The following TMEM74 variants were observed in gnomAD, a reference collection of about 807,000 sequenced individuals.
TMEM74 encodes transmembrane protein 74.
Under a neutral mutation model 18.1 loss-of-function variants are expected in TMEM74, and 13 were observed. That is an observed-to-expected ratio of 0.72 (90% CI 0.47 to 1.14). TMEM74 has a LOEUF of 1.14. Ranked by LOEUF, TMEM74 falls within the 50% of genes most tolerant of loss-of-function variation. The pLI, the probability that TMEM74 is intolerant of heterozygous loss-of-function variation, is 0.00. For synonymous variants in TMEM74, 159 were observed against 146.6 expected, an observed-to-expected ratio of 1.08 and a Z score of -0.61; for missense variants, 372 against 375.9, an observed-to-expected ratio of 0.99 and a Z score of 0.09.
rs539458741 is a variant in TMEM74 at position 108,688,117 on chromosome 8, C to A, written n.120-32680G>T. On this transcript the variant is annotated intron_variant and non_coding_transcript_variant, in intron 1 of 3. Coordinates refer to the TMEM74 transcript ENST00000518838. ...GTAGAAATGAGCTATCTTTCTCCATCAGTTTAGCAAAACTTAAAGAGATCG... is the reference window on the plus strand; with the variant it reads ...GTAGAAATGAGCTATCTTTCTCCATAAGTTTAGCAAAACTTAAAGAGATCG... 4.3e-4 allele frequency among the ~76,000 whole-genome samples: 66 copies of A among 152,186 alleles called. 1 individual carries two copies. Among genetic ancestry groups the A allele is most frequent in the Non-Finnish European group, 7.8e-4 (53 of 68,032 alleles).
intron 2 of TMEM74, among the ~76,000 whole-genome samples, chr8:108,636,121 T>C (rs1177920760): frequency 6.6e-6 from 1 of 152,064 alleles, no homozygotes; most frequent in African/African-American, 2.4e-5. Flanking sequence ...CAAGGTCTCC[T>C]TGGGAAAGGC....
chr8:108,698,824 TC>T (rs1813306230), intron 1 of TMEM74, among the ~76,000 whole-genome samples: 2 of 152,178 alleles, frequency 1.3e-5, no homozygotes, highest in South Asian at 4.1e-4. Flanking sequence ...CTGACTCTGT[TC>T]TTAAATACGA....
At chr8:108,614,326 T>C (rs1475864041) in intron 2 of TMEM74, among the ~76,000 whole-genome samples, 1 of 152,150 alleles carries the variant, frequency 6.6e-6, no homozygotes, top group Non-Finnish European at 1.5e-5. Flanking sequence ...TCTTCTTATA[T>C]CCCTTAGTTC....
chr8:108,703,519 A>C (rs1252044840), intron 1 of TMEM74, among the ~76,000 whole-genome samples: 1 of 152,206 alleles, frequency 6.6e-6, no homozygotes, highest in East Asian at 1.9e-4. Context: ...GTAAAGAAGA[A>C]GGGTGTAAAG....
At chr8:108,734,540 C>T (rs575371163) in intron 1 of TMEM74, among the ~76,000 whole-genome samples, 7 of 152,262 alleles carry the variant, frequency 4.6e-5, no homozygotes, top group African/African-American at 7.2e-5. Context: ...TATTTTTCTT[C>T]GCTAAATCGT....
intron 2 of TMEM74, among the ~76,000 whole-genome samples, chr8:108,629,085 T>G (rs897245380): frequency 2.2e-4 from 34 of 151,980 alleles, no homozygotes; most frequent in African/African-American, 8.0e-4. Flanking sequence ...TTCTGTAGAT[T>G]GCCTGTCCAT....
intron 1 of TMEM74, among the ~76,000 whole-genome samples, chr8:108,721,090 C>A (rs548505823): frequency 3.5e-4 from 54 of 152,256 alleles, no homozygotes; most frequent in South Asian, 8.3e-4. Context: ...TTTAAATACC[C>A]ACTTCTGAGA....
chr8:108,632,424 T>C lies in TMEM74; in HGVS notation n.264+22869A>G, dbSNP rs1812561756. 5.3e-5 allele frequency among the ~76,000 whole-genome samples: 8 copies of C among 152,002 alleles called. No homozygotes were observed. In the South Asian group the frequency reaches 1.7e-3, roughly 32 times the overall value. On this transcript the variant is annotated intron_variant and non_coding_transcript_variant, in intron 2 of 3. Coordinates refer to the TMEM74 transcript ENST00000518838. ...TCTATTTTCTTGAATTTTTCCATGT[T>C]TACCAATGACAATGCATATATTTAT... is the stretch of plus-strand genomic sequence containing the variant.
At chr8:108,704,490 G>A (rs1055803266) in intron 1 of TMEM74, among the ~76,000 whole-genome samples, 1 of 152,108 alleles carries the variant, frequency 6.6e-6, no homozygotes, top group East Asian at 1.9e-4. Flanking sequence ...AGATTTCTGG[G>A]GAAGGATGTG....
chr8:108,692,309 T>A (rs1182418656), intron 1 of TMEM74, among the ~76,000 whole-genome samples: 1 of 152,154 alleles, frequency 6.6e-6, no homozygotes, highest in Non-Finnish European at 1.5e-5. Context: ...GTCCTCAACA[T>A]CTAACTTCAG....
chr8:108,642,401 AAAAAAAAG>A (rs1812674673), intron 2 of TMEM74, among the ~76,000 whole-genome samples: 2 of 152,094 alleles, frequency 1.3e-5, no homozygotes, highest in South Asian at 4.2e-4. Flanking sequence ...CAAAAAAAAA[AAAAAAAAG>A]AGAGAAAATA....
At chr8:108,697,054 C>T (rs1813287748) in intron 1 of TMEM74, among the ~76,000 whole-genome samples, 1 of 152,132 alleles carries the variant, frequency 6.6e-6, no homozygotes, top group African/African-American at 2.4e-5. Context: ...TTTTCCTTTT[C>T]ATCTTTGATC....
Position 108,649,722 on chromosome 8 carries a change from A to G in TMEM74, n.264+5571T>C, listed in dbSNP as rs74953670. On this transcript the variant is annotated intron_variant and non_coding_transcript_variant, in intron 2 of 3. Coordinates refer to the TMEM74 transcript ENST00000518838. ...AATCCTAACGTCCTTTATCTCCCTG[A>G]AAACCCTAAGTTTGTGGTAGTTTTA... 8.1e-3 allele frequency among the ~76,000 whole-genome samples: 1,234 copies of G among 152,252 alleles called. 19 individuals are homozygous for G. The highest frequency in any genetic ancestry group is 0.026 in the African/African-American group (1,088 of 41,558).
Position 108,728,682 on chromosome 8 carries a change from T to C in TMEM74, n.119+58794A>G, listed in dbSNP as rs139770988. ...GTGTTAGTAAAATTTTCCTTTTGTA[T>C]AGATAAACTAGTTGAGTACCAAATG... On this transcript the variant is annotated intron_variant and non_coding_transcript_variant, in intron 1 of 3. Transcript: ENST00000518838. 9.8e-5 allele frequency among the ~76,000 whole-genome samples: 15 copies of C among 152,338 alleles called. No individual in the cohort carries two copies. In the East Asian group the frequency reaches 2.9e-3, roughly 29 times the overall value.
chr8:108,781,447 A>T lies in TMEM74; in HGVS notation c.*2734T>A, dbSNP rs1209077651. Among the ~76,000 whole-genome samples the T allele has an allele frequency of 6.6e-6, 1 of 152,210 alleles. No homozygotes were observed. Among genetic ancestry groups the T allele is most frequent in the Non-Finnish European group, 1.5e-5 (1 of 68,040 alleles). On this transcript the variant is annotated 3_prime_UTR_variant, in exon 2 of 2. Coordinates refer to ENST00000297459, the MANE Select transcript of TMEM74 (RefSeq NM_153015.3). The stretch of plus-strand genomic sequence containing the variant: ...CTGTGTTACCATCATTTTAAATTCA[A>T]GTAATCTTCATATTGAATTCAGGCA...
intron 1 of TMEM74, among the ~76,000 whole-genome samples, chr8:108,756,291 G>A (rs965998589): frequency 3.3e-5 from 5 of 151,872 alleles, no homozygotes; most frequent in Non-Finnish European, 5.9e-5. Flanking sequence ...TGATTCTACA[G>A]AATTTTTGGA....
chr8:108,707,141 C>T (rs1563531348), intron 1 of TMEM74, among the ~76,000 whole-genome samples: 1 of 140,940 alleles, frequency 7.1e-6, no homozygotes, highest in East Asian at 2.1e-4. Flanking sequence ...ACAATGAGAA[C>T]ACTTGGACAC....
intron 2 of TMEM74, among the ~76,000 whole-genome samples, chr8:108,639,987 C>T (rs1200228822): frequency 6.6e-6 from 1 of 152,016 alleles, no homozygotes; most frequent in African/African-American, 2.4e-5. Context: ...TTTGATATCA[C>T]CACGCAGGGA....
rs777164441 is a variant in TMEM74 at position 108,782,620 on chromosome 8, T to C, written c.*1561A>G. 4.6e-5 allele frequency among the ~76,000 whole-genome samples: 7 copies of C among 152,194 alleles called. No homozygotes were observed. The highest frequency in any genetic ancestry group is 8.8e-5 in the Non-Finnish European group (6 of 68,032). On this transcript the variant is annotated 3_prime_UTR_variant, in exon 2 of 2. Transcript: ENST00000297459. ...ACATTTTGCCAAAGTCACCCATGTATTCCACAGTTGTCCACAACACCACAA... is the reference window on the plus strand; with the variant it reads ...ACATTTTGCCAAAGTCACCCATGTACTCCACAGTTGTCCACAACACCACAA...
Sources: allele counts gnomAD v4.1 joint callset (sites outside exome capture counted in the v4.1 genomes callset), GRCh38; gene constraint gnomAD v4.1.1; transcripts MANE v1.5; gene names NCBI Gene and HGNC (gene_info 2026-07-23, HGNC 2026-07-21).